The following MLLT3 variants were observed in gnomAD, a reference collection of about 807,000 sequenced individuals.
MLLT3 encodes MLLT3 super elongation complex subunit.
A neutral mutation model predicts 53.2 loss-of-function variants in MLLT3; 4 were observed. That is an observed-to-expected ratio of 0.08 (90% CI 0.04 to 0.17). The LOEUF (loss-of-function observed/expected upper bound fraction) is 0.17, where lower values mean the gene tolerates loss of function less well. Ranked by LOEUF, MLLT3 falls within the 10% of genes least tolerant of loss-of-function variation. The probability of loss-of-function intolerance (pLI) is 1.00; values close to 1 mark genes in which losing one functional copy is unlikely to be tolerated. For synonymous variants in MLLT3, 283 were observed against 230.6 expected (o/e 1.23, Z -2.06); for missense variants, 569 against 684.0 (o/e 0.83, Z 1.87).
At position 20,346,379 on chromosome 9, in the gene MLLT3, C is replaced by CAAAAAAAAAAAAAACCAAAAAAA. The variant is rs1820868635; in HGVS notation, c.*41_*63dup. 1 of 850,156 alleles carries CAAAAAAAAAAAAAACCAAAAAAA rather than the reference C, an allele frequency of 1.2e-6. No homozygotes were observed. Among genetic ancestry groups the CAAAAAAAAAAAAAACCAAAAAAA allele is most frequent in the Non-Finnish European group, 1.5e-6 (1 of 655,910 alleles). The allele number at this position is 850,156 out of a possible 1,614,324, so 52.7% of individuals were successfully genotyped here. ...AACAACAAGAACAAAAAATCACAAC[C>CAAAAAAAAAAAAAACCAAAAAAA]AAAAAAAAAAAAAACCAAAAAAAAA... On this transcript the variant is annotated 3_prime_UTR_variant, in exon 11 of 11. Transcript: ENST00000380338.
At chr9:20,586,937 C>T (rs975544585) in intron 2 of MLLT3, among the ~76,000 whole-genome samples, 1 of 151,980 alleles carries the variant, frequency 6.6e-6, no homozygotes, top group African/African-American at 2.4e-5. Flanking sequence ...AATGAAACCT[C>T]AATCTGTTTT....
intron 2 of MLLT3, among the ~76,000 whole-genome samples, chr9:20,495,910 T>C (rs544294534): frequency 5.3e-5 from 8 of 152,266 alleles, no homozygotes; most frequent in African/African-American, 1.9e-4. Flanking sequence ...ATGTTATACC[T>C]GTAACAAAGG....
intron 2 of MLLT3, among the ~76,000 whole-genome samples, chr9:20,538,457 T>C (rs1399203496): frequency 6.6e-6 from 1 of 152,212 alleles, no homozygotes; most frequent in East Asian, 1.9e-4. Context: ...ATCCCAACCT[T>C]CTTTCCTGGC....
At position 20,400,725 on chromosome 9, in the gene MLLT3, G is replaced by A. The variant is rs150489059; in HGVS notation, c.1125+12996C>T. 2.1e-3 allele frequency among the ~76,000 whole-genome samples: 316 copies of A among 151,286 alleles called. 2 individuals carry two copies. The highest frequency in any genetic ancestry group is 7.2e-3 in the African/African-American group (297 of 41,084). ...TATACTTGAAAATCTTCATAATGAA[G>A]GATTACAAAAAGAAAAAAAAAACAT... is the stretch of plus-strand genomic sequence containing the variant. On this transcript the variant is annotated intron_variant, in intron 5 of 10. Coordinates refer to ENST00000380338, the MANE Select transcript of MLLT3 (RefSeq NM_004529.4).
At chr9:20,393,272 A>C (rs1822234517) in intron 5 of MLLT3, among the ~76,000 whole-genome samples, 1 of 152,318 alleles carries the variant, frequency 6.6e-6, no homozygotes, top group South Asian at 2.1e-4. Context: ...TGACAGCCAC[A>C]GTCTTTTCCA....
At chr9:20,462,291 T>TTTA (rs1554685798) in intron 2 of MLLT3, among the ~76,000 whole-genome samples, 2 of 152,206 alleles carry the variant, frequency 1.3e-5, no homozygotes, top group Non-Finnish European at 2.9e-5. Context: ...TTTAAAAAGT[T>TTTA]TTCCCTCTTT....
At chr9:20,394,389 C>T (rs554482105) in intron 5 of MLLT3, among the ~76,000 whole-genome samples, 2 of 152,272 alleles carry the variant, frequency 1.3e-5, no homozygotes, top group East Asian at 3.9e-4. Flanking sequence ...ATGATTCTTC[C>T]TACCTAGACA....
chr9:20,367,460 G>A (rs927293733), intron 5 of MLLT3, among the ~76,000 whole-genome samples: 2 of 152,118 alleles, frequency 1.3e-5, no homozygotes, highest in African/African-American at 4.8e-5. Context: ...CTTTTTATCG[G>A]TGACTAAAGA....
At chr9:20,588,000 T>C (rs1820021354) in intron 2 of MLLT3, among the ~76,000 whole-genome samples, 1 of 149,802 alleles carries the variant, frequency 6.7e-6, no homozygotes, top group Admixed American at 6.6e-5. Context: ...CTTTAATCCA[T>C]CTTGAATTGA....
chr9:20,342,813 T>C lies in MLLT3; in HGVS notation c.*3630A>G. 1 of 177,824 alleles carries C rather than the reference T, an allele frequency of 5.6e-6. No individual in the cohort carries two copies. Among genetic ancestry groups the C allele is most frequent in the Non-Finnish European group, 1.2e-5 (1 of 86,600 alleles). 11.0% of individuals were successfully genotyped at this position (177,824 alleles called of 1,614,324 possible). On this transcript the variant is annotated 3_prime_UTR_variant, in exon 11 of 11. Coordinates refer to ENST00000380338, the MANE Select transcript of MLLT3 (RefSeq NM_004529.4). ...TTTAGAGCAACAGTCCAAAGCAAGATTACTCTGATAATATATATGTGTATA... is the reference window on the plus strand; with the variant it reads ...TTTAGAGCAACAGTCCAAAGCAAGACTACTCTGATAATATATATGTGTATA...
intron 2 of MLLT3, among the ~76,000 whole-genome samples, chr9:20,597,909 T>C (rs1820318402): frequency 6.6e-6 from 1 of 152,238 alleles, no homozygotes; most frequent in South Asian, 2.1e-4. Flanking sequence ...AGATATCTGC[T>C]TAGTGTTCCA....
chr9:20,349,424 C>G (rs1820955721), intron 10 of MLLT3, among the ~76,000 whole-genome samples: 1 of 151,966 alleles, frequency 6.6e-6, no homozygotes, highest in Non-Finnish European at 1.5e-5. Flanking sequence ...GAATTATAGA[C>G]CTGATGCTTT....
At chr9:20,595,853 T>C (rs1003148939) in intron 2 of MLLT3, among the ~76,000 whole-genome samples, 2 of 152,156 alleles carry the variant, frequency 1.3e-5, no homozygotes, top group Non-Finnish European at 2.9e-5. Context: ...TAAAAAGAAG[T>C]CCGGGAAATC....
At position 20,342,880 on chromosome 9, in the gene MLLT3, G is replaced by A. The variant is rs1275473809; in HGVS notation, c.*3563C>T. On this transcript the variant is annotated 3_prime_UTR_variant, in exon 11 of 11. Coordinates refer to ENST00000380338, the MANE Select transcript of MLLT3 (RefSeq NM_004529.4). ...TATATAAATATAGGAGCAGTACATA[G>A]CATTAGTACACAAAACGCTAAAGGT... 1.1e-5 allele frequency: 2 copies of A among 179,672 alleles called. No homozygotes were observed. Among genetic ancestry groups the A allele is most frequent in the African/African-American group, 4.8e-5 (2 of 41,608 alleles). The allele number at this position is 179,672 out of a possible 1,614,324, so 11.1% of individuals were successfully genotyped here.
At chr9:20,581,985 ATT>A (rs1819804929) in intron 2 of MLLT3, among the ~76,000 whole-genome samples, 1 of 152,186 alleles carries the variant, frequency 6.6e-6, no homozygotes, top group Admixed American at 6.5e-5. Flanking sequence ...AATGAAAAAT[ATT>A]TTTAATTTTT....
intron 2 of MLLT3, among the ~76,000 whole-genome samples, chr9:20,615,263 G>A (rs1220634134): frequency 6.8e-6 from 1 of 148,072 alleles, no homozygotes; most frequent in Non-Finnish European, 1.5e-5. Context: ...CTTGAGACCA[G>A]GAGATGGGAG....
At position 20,622,317 on chromosome 9, in the gene MLLT3, C is replaced by G. The variant is rs1037879158; in HGVS notation, c.-61G>C. The G allele has an allele frequency of 3.9e-5, 57 of 1,458,688 alleles. No homozygotes were observed. The highest frequency in any genetic ancestry group is 1.8e-4 in the Middle Eastern group (1 of 5,498). The allele number at this position is 1,458,688 out of a possible 1,614,324, so 90.4% of individuals were successfully genotyped here. A position where few individuals can be genotyped will look rare whatever the true frequency, so the allele number is the denominator to read the frequency against. On this transcript the variant is annotated 5_prime_UTR_variant, in exon 1 of 11. Transcript: ENST00000380338. ...GGTACCCCCCCCTCCTCCGCCCCCC[C>G]TCAGCTGTAATTCATGAAGAGGCTG...
intron 5 of MLLT3, chr9:20,411,155 AG>A: frequency 6.6e-6 from 1 of 152,582 alleles, no homozygotes; most frequent in East Asian, 1.9e-4. Flanking sequence ...CCAAGGTAAC[AG>A]GGGATACTTG....
chr9:20,461,413 C>T lies in MLLT3; in HGVS notation c.194-4627G>A, dbSNP rs200077931. On this transcript the variant is annotated intron_variant, in intron 2 of 10. Coordinates refer to ENST00000380338, the MANE Select transcript of MLLT3 (RefSeq NM_004529.4). ...CTGGCAAATTTGCAATAAGCAAGGA[C>T]TTTTAATTAGTTAGAAATAAGTCAA... 2.6e-5 allele frequency among the ~76,000 whole-genome samples: 4 copies of T among 152,186 alleles called. No individual in the cohort carries two copies. In the East Asian group the frequency reaches 5.8e-4, roughly 22 times the overall value.
Sources: gnomAD v4.1 joint callset for allele counts (sites outside exome capture counted in the v4.1 genomes callset) on GRCh38, gnomAD v4.1.1 for gene constraint, MANE v1.5 for transcripts, NCBI Gene and HGNC (gene_info 2026-07-23, HGNC 2026-07-21) for gene names.